The following PEAK1 variants were observed in gnomAD, a reference collection of about 807,000 sequenced individuals.
PEAK1 encodes the protein pseudopodium enriched atypical kinase 1.
In PEAK1, 54 loss-of-function variants were observed where a neutral mutation model predicts 124.7. The observed-to-expected ratio is 0.43, with a 90% CI of 0.35 to 0.54. The LOEUF (loss-of-function observed/expected upper bound fraction) is 0.54. PEAK1 is among the 20% of genes least tolerant of loss of function. The pLI, the probability that PEAK1 is intolerant of heterozygous loss-of-function variation, is 0.01. For missense variants in PEAK1, 2,046 were observed against 2,134.5 expected (o/e 0.96, Z 0.82); for synonymous variants, 719 against 760.0 (o/e 0.95, Z 0.89).
At chr15:77,331,086 T>C (rs2065865392) in intron 2 of PEAK1, 3 of 694,772 alleles carry the variant, frequency 4.3e-6, no homozygotes, top group Non-Finnish European at 5.3e-6. Context: ...ATATACTATG[T>C]AGTACATTGA....
intron 9 of PEAK1, among the ~76,000 whole-genome samples, chr15:77,125,211 T>C (rs1237132739): frequency 3.9e-5 from 6 of 152,138 alleles, no homozygotes; most frequent in Admixed American, 1.3e-4. Flanking sequence ...TAATAAGCCA[T>C]GGTCCCCGCC....
In PEAK1 at chr15:77,133,724, G is replaced by A. The variant is rs753459968; in HGVS notation, c.3358C>T (p.Pro1120Ser). ...CCCTTGGGCTGTCGTGGCTGCTTGG[G>A]AGGTATCATGGCTGCTCTAGATTGC... ...LGQSRAAMIPPKQPRQPKGAV... is the reference protein window; with the variant it reads ...LGQSRAAMIPSKQPRQPKGAV... Residue 1120 changes from proline to serine, a missense_variant, in exon 9 of 10, where the codon CCC (proline) becomes TCC (serine). Pro to Ser is a moderately conservative substitution (Grantham distance 74). Coordinates refer to ENST00000682557, the MANE Select transcript of PEAK1 (RefSeq NM_001385026.1). This position sits in a 1 kb window ranked among gnomAD's most constrained non-coding sequence, Gnocchi z 4.2. 4 of 1,609,736 alleles carry A rather than the reference G, an allele frequency of 2.5e-6. No homozygotes were observed. Among genetic ancestry groups the A allele is most frequent in the Middle Eastern group, 1.7e-4 (1 of 6,026 alleles).
At chr15:77,224,839 T>C (rs2059556715) in intron 6 of PEAK1, among the ~76,000 whole-genome samples, 1 of 151,996 alleles carries the variant, frequency 6.6e-6, no homozygotes, top group Non-Finnish European at 1.5e-5. Flanking sequence ...TCATGAAATC[T>C]GGATGATTTT....
chr15:77,389,580 C>A (rs1440151369), intron 1 of PEAK1, among the ~76,000 whole-genome samples: 3 of 152,106 alleles, frequency 2.0e-5, no homozygotes, highest in African/African-American at 7.2e-5. Flanking sequence ...ATCTTAGAGG[C>A]CATTTCAGAA....
chr15:77,163,813 GTC>G, intron 7 of PEAK1, among the ~76,000 whole-genome samples: 1 of 131,320 alleles, frequency 7.6e-6, no homozygotes, highest in South Asian at 2.3e-4. Flanking sequence ...AGGTACACAT[GTC>G]TCTAGTTGCC....
At chr15:77,216,872 G>C (rs1483911350) in intron 6 of PEAK1, among the ~76,000 whole-genome samples, 1 of 152,160 alleles carries the variant, frequency 6.6e-6, no homozygotes, top group Admixed American at 6.5e-5. Context: ...AAGTAGGATT[G>C]AGATCCTGAA....
chr15:77,281,975 C>T lies in PEAK1; in HGVS notation c.-275+1908G>A, dbSNP rs149371671. Among the ~76,000 whole-genome samples the T allele has an allele frequency of 4.4e-3, 666 of 152,190 alleles. 4 individuals are homozygous for T. Among genetic ancestry groups the T allele is most frequent in the African/African-American group, 0.014 (571 of 41,520 alleles). On this transcript the variant is annotated intron_variant, in intron 5 of 9. Transcript: ENST00000682557. ...TCAAATACAGCATGAAGAAATAAAA[C>T]GAAGCCCTGAGCTATATCTAATCAT...
chr15:77,406,318 T>C (rs760825343), intron 1 of PEAK1, among the ~76,000 whole-genome samples: 15 of 152,168 alleles, frequency 9.9e-5, no homozygotes, highest in Non-Finnish European at 1.6e-4. Flanking sequence ...GGCATCCAAA[T>C]TGGTAAAGAG....
chr15:77,318,170 TACAC>T (rs10635105), intron 2 of PEAK1, among the ~76,000 whole-genome samples: 2 of 151,002 alleles, frequency 1.3e-5, no homozygotes, highest in South Asian at 2.1e-4. Flanking sequence ...CATGCATGCA[TACAC>T]ACACACACAC....
At chr15:77,213,068 T>C (rs998486226) in intron 6 of PEAK1, among the ~76,000 whole-genome samples, 5 of 152,200 alleles carry the variant, frequency 3.3e-5, no homozygotes, top group African/African-American at 9.6e-5. Context: ...CTAAGATGAA[T>C]GTATTCTGAA....
At chr15:77,419,805 G>C (rs1333381212) in intron 1 of PEAK1, among the ~76,000 whole-genome samples, 1 of 148,212 alleles carries the variant, frequency 6.7e-6, no homozygotes, top group Non-Finnish European at 1.5e-5. Flanking sequence ...CGGGGAGCTA[G>C]AGCCCGCGCC....
chr15:77,288,952 C>T (rs1597125766), intron 2 of PEAK1, among the ~76,000 whole-genome samples: 1 of 148,656 alleles, frequency 6.7e-6, no homozygotes, highest in African/African-American at 2.5e-5. Context: ...AAAAAGTATT[C>T]GAATGAGTAA....
chr15:77,168,269 T>G (rs1003682878), intron 7 of PEAK1, among the ~76,000 whole-genome samples: 6 of 91,872 alleles, frequency 6.5e-5, no homozygotes, highest in Non-Finnish European at 1.5e-4. Context: ...ACACACATAT[T>G]AATAGGCCTA....
chr15:77,270,542 A>G (rs2061974375), intron 5 of PEAK1, among the ~76,000 whole-genome samples: 1 of 152,134 alleles, frequency 6.6e-6, no homozygotes, highest in African/African-American at 2.4e-5. Flanking sequence ...CTTCAAAGAG[A>G]ATAAAATACC....
intron 7 of PEAK1, among the ~76,000 whole-genome samples, chr15:77,177,595 G>C (rs897170639): frequency 1.3e-5 from 2 of 151,996 alleles, no homozygotes; most frequent in African/African-American, 4.8e-5. Flanking sequence ...TGCTATGTTT[G>C]TAAGAAAGAA....
chr15:77,378,291 C>G (rs550197379), intron 1 of PEAK1, among the ~76,000 whole-genome samples: 1 of 151,362 alleles, frequency 6.6e-6, no homozygotes. Context: ...GACAATTTTA[C>G]GAAGCATCTC....
chr15:77,151,330 C>A (rs1362314098), intron 8 of PEAK1, among the ~76,000 whole-genome samples: 1 of 152,170 alleles, frequency 6.6e-6, no homozygotes, highest in African/African-American at 2.4e-5. Context: ...AGTGTCTGTT[C>A]ATATCCTTTG....
intron 8 of PEAK1, among the ~76,000 whole-genome samples, chr15:77,150,116 T>C (rs1665537880): frequency 6.6e-6 from 1 of 152,228 alleles, no homozygotes; most frequent in Non-Finnish European, 1.5e-5. Context: ...AGGGCATCTA[T>C]AATCATTTTA....
intron 6 of PEAK1, among the ~76,000 whole-genome samples, chr15:77,184,986 T>C (rs1436355926): frequency 6.6e-6 from 1 of 152,164 alleles, no homozygotes; most frequent in Non-Finnish European, 1.5e-5. Context: ...TGCTGCTATG[T>C]AGAAAATGGA....
Sources: gnomAD v4.1 joint callset for allele counts (sites outside exome capture counted in the v4.1 genomes callset) on GRCh38, gnomAD v4.1.1 for gene constraint, Gnocchi (gnomAD v3.1) non-coding constraint, MANE v1.5 for transcripts, NCBI Gene and HGNC (gene_info 2026-07-23, HGNC 2026-07-21) for gene names.